USP43: variants seen among roughly 807,000 people sequenced by gnomAD.
The protein encoded by USP43 is ubiquitin specific peptidase 43.
In USP43, 33 loss-of-function variants were observed where a neutral mutation model predicts 90.7. The observed-to-expected ratio is 0.36, with a 90% CI of 0.28 to 0.49. USP43 has a LOEUF of 0.49. Ranked by LOEUF, USP43 falls within the 20% of genes least tolerant of loss-of-function variation. USP43 has a pLI of 0.98. For synonymous variants in USP43, 598 were observed against 615.8 expected (o/e 0.97, Z 0.43); for missense variants, 1,274 against 1,476.4 (o/e 0.86, Z 2.25).
rs1917436465 is a variant in USP43 at position 9,728,976 on chromosome 17, G to A, written c.3358G>A (p.Glu1120Lys). ...LSLGRKKTLP[E>K]SSF ...TTTAGGTCGAAAGAAAACCTTACCG[G>A]AGTCCAGCTTTTGATGGAGCGTGTC... Residue 1120 changes from glutamate (E) to lysine (K), a missense_variant, in exon 15 of 15, where the codon GAG becomes AAG. Physicochemically the swap from Glu to Lys is moderately conservative, Grantham distance 56 (BLOSUM62 1). Transcript: ENST00000285199. This position sits in a 1 kb window ranked among gnomAD's most constrained non-coding sequence, Gnocchi z 6.2. 7 of 1,572,346 alleles carry A rather than the reference G, an allele frequency of 4.5e-6. No individual in the cohort carries two copies. Among genetic ancestry groups the A allele is most frequent in the Non-Finnish European group, 5.2e-6 (6 of 1,154,882 alleles).
At chr17:9,685,132 A>G (rs1373089560) in intron 7 of USP43, among the ~76,000 whole-genome samples, 1 of 152,334 alleles carries the variant, frequency 6.6e-6, no homozygotes, top group East Asian at 1.9e-4. Flanking sequence ...CCATACAACA[A>G]TGGACGCACA....
rs183408686 is a variant in USP43, at chr17:9,728,458, C to T, written c.2840C>T (p.Pro947Leu). The T allele has an allele frequency of 5.4e-5, 87 of 1,612,970 alleles. No individual in the cohort carries two copies. Among genetic ancestry groups the T allele is most frequent in the Non-Finnish European group, 3.6e-5 (42 of 1,179,470 alleles). ...GTGGAGCATGAGAAACCAGCTCGAC[C>T]GGAGGGCCAGAAGGCCATGAACTGG... ...PSVEHEKPAR[P>L]EGQKAMNWKE... The change falls in exon 15 of 15, where the codon CCG becomes CTG. Residue 947 changes from proline (P) to leucine (L), a missense_variant. By Grantham distance (98) the Pro-to-Leu change is moderately conservative. Coordinates refer to ENST00000285199, the MANE Select transcript of USP43 (RefSeq NM_153210.5). The surrounding 1 kb of genome is among the most constrained non-coding windows in gnomAD (Gnocchi z 6.2).
Position 9,648,136 on chromosome 17 carries a change from A to G in USP43, c.504+2000A>G, listed in dbSNP as rs182127055. Among the ~76,000 whole-genome samples the G allele has an allele frequency of 3.5e-4, 54 of 152,360 alleles. No homozygotes were observed. The East Asian group carries it at 9.8e-3, about 28-fold the overall frequency. On this transcript the variant is annotated intron_variant, in intron 1 of 14. Transcript: ENST00000285199. ...AAATCCCCAGGGCCTGGGAGCTCCC[A>G]GTAAGCCTCAGGGAATTGAAGGATA...
intron 2 of USP43, among the ~76,000 whole-genome samples, chr17:9,660,277 A>C (rs546399409): frequency 6.6e-6 from 1 of 152,164 alleles, no homozygotes; most frequent in African/African-American, 2.4e-5. Flanking sequence ...CAGCCTCCTG[A>C]GTAGCTGGAA....
intron 14 of USP43, among the ~76,000 whole-genome samples, chr17:9,717,642 A>G (rs1047211946): frequency 6.6e-6 from 1 of 151,822 alleles, no homozygotes; most frequent in Non-Finnish European, 1.5e-5. Context: ...CCATTAGGTG[A>G]TCTGATTGTC....
chr17:9,722,167 A>T (rs1355934209), intron 14 of USP43, among the ~76,000 whole-genome samples: 2 of 152,268 alleles, frequency 1.3e-5, no homozygotes, highest in Non-Finnish European at 2.9e-5. Context: ...TTTTATTATT[A>T]TAATGTGGCT....
chr17:9,667,843 G>C (rs1180612355), intron 3 of USP43, among the ~76,000 whole-genome samples: 1 of 152,138 alleles, frequency 6.6e-6, no homozygotes, highest in African/African-American at 2.4e-5. Flanking sequence ...ATAATCATGC[G>C]TTTATATGTG....
At chr17:9,648,688 G>A (rs1157867034) in intron 1 of USP43, among the ~76,000 whole-genome samples, 1 of 152,048 alleles carries the variant, frequency 6.6e-6, no homozygotes, top group Non-Finnish European at 1.5e-5. Flanking sequence ...CCAGGACCTG[G>A]GAACTGGAAT....
At chr17:9,684,763 CA>C (rs34404550) in intron 7 of USP43, among the ~76,000 whole-genome samples, 841 of 65,796 alleles carry the variant, frequency 0.013, 3 homozygotes, top group African/African-American at 0.028. Context: ...AACTCCATCT[CA>C]AAAAAAAAAA....
intron 5 of USP43, 124 bp downstream of exon 5, chr17:9,677,005 G>A: frequency 1.6e-6 from 2 of 1,251,432 alleles, no homozygotes; most frequent in Non-Finnish European, 2.2e-6. Flanking sequence ...TGGGTTTCTG[G>A]TTGATTAGTA....
At chr17:9,699,256 G>A (rs1355559144) in intron 9 of USP43, among the ~76,000 whole-genome samples, 6 of 152,180 alleles carry the variant, frequency 3.9e-5, no homozygotes, top group South Asian at 2.1e-4. Context: ...GGTTCTCCCC[G>A]TCTACAGGAA....
intron 9 of USP43, among the ~76,000 whole-genome samples, chr17:9,696,015 C>T (rs372655859): frequency 1.2e-4 from 18 of 152,198 alleles, no homozygotes; most frequent in African/African-American, 4.3e-4. Flanking sequence ...AATATATCTC[C>T]TAGAATTTTT....
At chr17:9,670,037 T>C (rs1413503431) in intron 3 of USP43, among the ~76,000 whole-genome samples, 1 of 145,064 alleles carries the variant, frequency 6.9e-6, no homozygotes, top group Non-Finnish European at 1.5e-5. Context: ...CAGAGGTGAC[T>C]GCTTTTTTTT....
In USP43 at chr17:9,701,300, G is replaced by T. The variant is rs1259046950; in HGVS notation, c.1663-52G>T. On this transcript the variant is annotated intron_variant, in intron 11 of 14. Coordinates refer to ENST00000285199, the MANE Select transcript of USP43 (RefSeq NM_153210.5). The surrounding 1 kb of genome is among the most constrained non-coding windows in gnomAD (Gnocchi z 7.2). The stretch of plus-strand genomic sequence containing the variant: ...GGGAAGGGGGCTGGCTGCCTTTGGT[G>T]GGTTGGCCACGTGCTGCGGGGGCCT... The T allele has an allele frequency of 1.3e-6, 2 of 1,590,886 alleles. No individual in the cohort carries two copies. Among genetic ancestry groups the T allele is most frequent in the South Asian group, 1.1e-5 (1 of 87,586 alleles).
At chr17:9,684,808 G>A (rs1000178007) in intron 7 of USP43, among the ~76,000 whole-genome samples, 2 of 150,602 alleles carry the variant, frequency 1.3e-5, no homozygotes, top group Non-Finnish European at 3.0e-5. Context: ...TGTAGTGGGA[G>A]AAATTCTGGT....
intron 1 of USP43, chr17:9,647,026 G>C (rs1911452676): frequency 7.5e-6 from 1 of 133,796 alleles, no homozygotes; most frequent in Non-Finnish European, 1.5e-5. Flanking sequence ...GGATTAAAGC[G>C]TTCCTGATAA....
chr17:9,672,700 CT>C (rs1366029037), intron 3 of USP43, among the ~76,000 whole-genome samples: 10 of 152,150 alleles, frequency 6.6e-5, no homozygotes, highest in Non-Finnish European at 4.4e-5. Context: ...TGATACAATG[CT>C]TTCAACAAAA....
intron 1 of USP43, among the ~76,000 whole-genome samples, chr17:9,652,553 G>T (rs1428619607): frequency 6.6e-6 from 1 of 151,922 alleles, no homozygotes; most frequent in African/African-American, 2.4e-5. Flanking sequence ...AGTAGAGACG[G>T]GGTTTCACCT....
At chr17:9,689,066 A>G (rs1245369325) in intron 8 of USP43, among the ~76,000 whole-genome samples, 5 of 152,328 alleles carry the variant, frequency 3.3e-5, no homozygotes, top group East Asian at 1.9e-4. Flanking sequence ...TGACTCAGCC[A>G]CAGATGCTTT....
Sources: allele counts gnomAD v4.1 joint callset (sites outside exome capture counted in the v4.1 genomes callset), GRCh38; gene constraint gnomAD v4.1.1; non-coding constraint Gnocchi (gnomAD v3.1); transcripts MANE v1.5; gene names NCBI Gene and HGNC (gene_info 2026-07-23, HGNC 2026-07-21).